The following MDFI variants were observed in gnomAD, a reference collection of about 807,000 sequenced individuals.
MDFI encodes the protein inhibitor of MyoD family a.
In MDFI, 16 loss-of-function variants were observed where a neutral mutation model predicts 22.3. The observed-to-expected ratio is 0.72, with a 90% CI of 0.49 to 1.09. The LOEUF is 1.09. MDFI is among the 50% of genes least tolerant of loss of function. The pLI, the probability that MDFI is intolerant of heterozygous loss-of-function variation, is 0.00. For missense variants in MDFI, 314 were observed against 326.1 expected (o/e 0.96, Z 0.29); for synonymous variants, 145 against 142.7 (o/e 1.02, Z -0.12).
intron 2 of MDFI, among the ~76,000 whole-genome samples, chr6:41,645,213 T>C (rs1768001929): frequency 6.6e-6 from 1 of 152,050 alleles, no homozygotes; most frequent in Non-Finnish European, 1.5e-5. Flanking sequence ...GGCCCGCCCC[T>C]GACCCCTGGC....
chr6:41,639,693 T>C lies in MDFI; in HGVS notation c.76+868T>C, dbSNP rs113489143. 605 of 985,452 alleles carry C rather than the reference T, an allele frequency of 6.1e-4. 6 individuals are homozygous for C. The African/African-American group carries it at 9.8e-3, about 16-fold the overall frequency. 61.0% of individuals were successfully genotyped at this position (985,452 alleles called of 1,614,324 possible). On this transcript the variant is annotated intron_variant, in intron 2 of 4. Transcript: ENST00000230321. ...AGGAGTGTGGACCCGGATTTCATAA[T>C]TGGAATCTCCACTGTCTAAGTCGTT...
In MDFI at chr6:41,653,235, G is replaced by A. The variant is rs6932839; in HGVS notation, c.485-84G>A. 99,951 of 1,409,380 alleles carry A rather than the reference G, an allele frequency of 0.071. 4,225 individuals are homozygous for A. Among genetic ancestry groups the A allele is most frequent in the South Asian group, 0.13 (10,718 of 79,586 alleles). The allele number at this position is 1,409,380 out of a possible 1,614,324, so 87.3% of individuals were successfully genotyped here. ...CAGCGTCCCTGCTGCTGCCGCTGCCGCAGGCCCCCACACCCCCGGCTATTT... is the reference window on the plus strand; with the variant it reads ...CAGCGTCCCTGCTGCTGCCGCTGCCACAGGCCCCCACACCCCCGGCTATTT... On this transcript the variant is annotated intron_variant, in intron 4 of 4. Transcript: ENST00000230321. This position sits in a 1 kb window ranked among gnomAD's most constrained non-coding sequence, Gnocchi z 4.2.
In MDFI at chr6:41,646,284, G is replaced by A. The variant is rs374731488; in HGVS notation, c.235G>A (p.Asp79Asn). 1.0e-5 allele frequency: 15 copies of A among 1,467,934 alleles called. No homozygotes were observed. Among genetic ancestry groups the A allele is most frequent in the African/African-American group, 2.9e-5 (2 of 68,654 alleles). 90.9% of individuals were successfully genotyped at this position (1,467,934 alleles called of 1,614,324 possible). A position where few individuals can be genotyped will look rare whatever the true frequency, so the allele number is the denominator to read the frequency against. The change falls in exon 3 of 5, where the codon GAC becomes AAC. Residue 79 changes from aspartate to asparagine, a missense_variant. Transcript: ENST00000230321. ...CCAGGGCCTGGACAGCACTGACCTC[G>A]ACGTCCCCACAGAAGCTGTGACATG... ...IPQGLDSTDL[D>N]VPTEAVTCQP...
upstream of MDFI, chr6:41,638,061 CAA>C (rs922628214): frequency 6.6e-5 from 10 of 152,226 alleles, no homozygotes; most frequent in African/African-American, 2.4e-4. This position sits in a 1 kb window ranked among gnomAD's most constrained non-coding sequence, Gnocchi z 7.6. Context: ...ATCTTTGGGG[CAA>C]AGAGATTTGG....
Position 41,649,634 on chromosome 6 carries a change from A to G in MDFI, c.275A>G (p.Asn92Ser). The change falls in exon 4 of 5, where the codon AAC (asparagine) becomes AGC (serine). Residue 92 changes from asparagine to serine, a missense_variant. By Grantham distance (46) the Asn-to-Ser change is conservative. Coordinates refer to ENST00000230321, the MANE Select transcript of MDFI (RefSeq NM_005586.4). ...ATCTCTCCAGGCCAGCCTCAGGGGA[A>G]CCCCTTGGGCTGCACCCCACTTCTG... ...TEAVTCQPQG[N>S]PLGCTPLLPN... 6.2e-7 allele frequency: 1 copy of G among 1,601,304 alleles called. No individual in the cohort carries two copies. The highest frequency in any genetic ancestry group is 1.3e-5 in the African/African-American group (1 of 74,626).
Position 41,649,619 on chromosome 6 carries a change from G to C in MDFI, c.260G>C (p.Cys87Ser). The change falls in exon 4 of 5, where the codon TGC becomes TCC. Residue 87 changes from cysteine to serine, a missense_variant and splice_region_variant. Cys to Ser is a moderately radical substitution (Grantham distance 112, BLOSUM62 -1). Coordinates refer to ENST00000230321, the MANE Select transcript of MDFI (RefSeq NM_005586.4). ...DLDVPTEAVT[C>S]QPQGNPLGCT... ...TCACACTTTCTCTTCATCTCTCCAG[G>C]CCAGCCTCAGGGGAACCCCTTGGGC... The C allele has an allele frequency of 6.3e-7, 1 of 1,590,088 alleles. No individual in the cohort carries two copies. The highest frequency in any genetic ancestry group is 8.6e-7 in the Non-Finnish European group (1 of 1,166,050).
chr6:41,642,486 G>C (rs1767888268), intron 2 of MDFI, among the ~76,000 whole-genome samples: 1 of 152,196 alleles, frequency 6.6e-6, no homozygotes. Flanking sequence ...TGCCCCATCT[G>C]TTCCAAGCAG....
intron 2 of MDFI, chr6:41,639,646 C>G: frequency 1.0e-6 from 1 of 985,442 alleles, no homozygotes; most frequent in Non-Finnish European, 1.2e-6. Flanking sequence ...GGGATGTGTT[C>G]AGGGCCAGGG....
intron 2 of MDFI, among the ~76,000 whole-genome samples, chr6:41,643,576 A>G (rs12173468): frequency 5.6e-4 from 41 of 73,344 alleles, no homozygotes; most frequent in Admixed American, 1.4e-3. Context: ...GAAGGAAGGA[A>G]GGAGGGAGGG....
chr6:41,652,861 G>T (rs1039303461), intron 4 of MDFI, among the ~76,000 whole-genome samples: 1 of 151,938 alleles, frequency 6.6e-6, no homozygotes, highest in Non-Finnish European at 1.5e-5. Context: ...CAGGTGATCC[G>T]CCCACCTCGG....
At chr6:41,646,442 A>AG (rs1239280274) in intron 3 of MDFI, 134 bp downstream of exon 3, 1 of 717,510 alleles carries the variant, frequency 1.4e-6, no homozygotes, top group Admixed American at 4.3e-5. Flanking sequence ...GGCAGCAGAA[A>AG]GGGGAAGGGC....
In MDFI at chr6:41,653,497, CA is replaced by C; in HGVS notation, c.664del (p.Ile222SerfsTer78). The C allele has an allele frequency of 6.2e-7, 1 of 1,602,950 alleles. No homozygotes were observed. The highest frequency in any genetic ancestry group is 8.5e-7 in the Non-Finnish European group (1 of 1,179,954). ...ACCTGCCCTGCGACCTGGACTGCGG[CA>C]TCCTGGATGCCTGCTGCGAGTCCGC... is the stretch of plus-strand genomic sequence containing the variant. ...CDLPCDLDCG[I>X]LDACCESADC... On this transcript the variant is annotated frameshift_variant, in exon 5 of 5. Coordinates refer to ENST00000230321, the MANE Select transcript of MDFI (RefSeq NM_005586.4). LOFTEE classifies it high-confidence loss of function. The surrounding 1 kb of genome is among the most constrained non-coding windows in gnomAD (Gnocchi z 4.2).
chr6:41,649,717 G>T lies in MDFI; in HGVS notation c.358G>T (p.Ala120Ser), dbSNP rs146712060. 1 of 1,614,060 alleles carries T rather than the reference G, an allele frequency of 6.2e-7. No homozygotes were observed. Among genetic ancestry groups the T allele is most frequent in the Middle Eastern group, 1.6e-4 (1 of 6,062 alleles). The change falls in exon 4 of 5, where the codon GCC becomes TCC. Residue 120 changes from alanine to serine, a missense_variant. Transcript: ENST00000230321. Reference sequence around the variant, plus strand: ...CGGCACCAGACGGGCGGGGAATGGTGCCCTGGGTGGCCCCAAGGCCCACCG... The same window carrying T: ...CGGCACCAGACGGGCGGGGAATGGTTCCCTGGGTGGCCCCAAGGCCCACCG... ...LGGTRRAGNG[A>S]LGGPKAHRKL...
At chr6:41,644,810 T>A (rs1215526102) in intron 2 of MDFI, among the ~76,000 whole-genome samples, 1 of 151,824 alleles carries the variant, frequency 6.6e-6, no homozygotes, top group Non-Finnish European at 1.5e-5. Flanking sequence ...CTACCCTGTG[T>A]CTCTCTGTGT....
chr6:41,641,230 T>C lies in MDFI; in HGVS notation c.76+2405T>C, dbSNP rs1767842588. On this transcript the variant is annotated intron_variant, in intron 2 of 4. Transcript: ENST00000230321. Reference sequence around the variant, plus strand: ...CCCCCTGGGGATGCAGAGATGAATATGGACACCACTCCAAGGGAGTGAGTT... The same window carrying C: ...CCCCCTGGGGATGCAGAGATGAATACGGACACCACTCCAAGGGAGTGAGTT... 1.3e-5 allele frequency among the ~76,000 whole-genome samples: 2 copies of C among 152,182 alleles called. 1 individual carries two copies. The highest frequency in any genetic ancestry group is 2.9e-5 in the Non-Finnish European group (2 of 68,030).
At chr6:41,639,157 T>C in intron 2 of MDFI, 1 of 853,226 alleles carries the variant, frequency 1.2e-6, no homozygotes, top group Non-Finnish European at 1.4e-6. Context: ...CTCAACTGTT[T>C]CTGCCCAGTG....
chr6:41,637,381 A>G (rs140539058), upstream of MDFI: 3,494 of 152,300 alleles, frequency 0.023, 55 homozygotes, highest in Non-Finnish European at 0.035. The surrounding 1 kb of genome is among the most constrained non-coding windows in gnomAD (Gnocchi z 6.8). Context: ...ACTCGGGACT[A>G]GAAAAGGTGG....
At chr6:41,642,584 C>T (rs1018799903) in intron 2 of MDFI, among the ~76,000 whole-genome samples, 2 of 152,202 alleles carry the variant, frequency 1.3e-5, no homozygotes, top group Non-Finnish European at 2.9e-5. Context: ...CTGCTTCTTC[C>T]TTTTCCTTCT....
chr6:41,653,595 C>T lies in MDFI; in HGVS notation c.*20C>T, dbSNP rs751481130. ...TCCTGAGCCTCTGTCGGGGGCTAAG[C>T]CAGCCTGGCGCCCCTGCAGATTCCA... On this transcript the variant is annotated 3_prime_UTR_variant, in exon 5 of 5. Transcript: ENST00000230321. The surrounding 1 kb of genome is among the most constrained non-coding windows in gnomAD (Gnocchi z 4.2). 3.8e-6 allele frequency: 6 copies of T among 1,597,804 alleles called. No homozygotes were observed. The African/African-American group carries it at 8.0e-5, about 21-fold the overall frequency.
Sources: gnomAD v4.1 joint callset for allele counts (sites outside exome capture counted in the v4.1 genomes callset) on GRCh38, gnomAD v4.1.1 for gene constraint, Gnocchi (gnomAD v3.1) non-coding constraint, MANE v1.5 for transcripts, NCBI Gene and HGNC (gene_info 2026-07-23, HGNC 2026-07-21) for gene names.